ZBTB20: variants seen among roughly 807,000 people sequenced by gnomAD.
ZBTB20 encodes the protein zinc finger and BTB domain containing 20.
ZBTB20 carries 9 observed loss-of-function variants against 56.9 expected under a neutral mutation model. The observed-to-expected ratio is 0.16, with a 90% confidence interval of 0.10 to 0.28. The LOEUF (loss-of-function observed/expected upper bound fraction) is 0.28, where lower values mean the gene tolerates loss of function less well. ZBTB20 is among the 10% of genes least tolerant of loss of function. The pLI is 1.00. For missense variants in ZBTB20, 655 were observed against 1,003.0 expected, an observed-to-expected ratio of 0.65 and a Z score of 4.69; for synonymous variants, 417 against 420.7, an observed-to-expected ratio of 0.99 and a Z score of 0.11.
intron 7 of ZBTB20, among the ~76,000 whole-genome samples, chr3:114,397,857 C>A (rs1180726519): frequency 1.3e-5 from 2 of 152,102 alleles, no homozygotes; most frequent in African/African-American, 4.8e-5. Context: ...TCAGAATATG[C>A]TTCGGGAAAA....
intron 6 of ZBTB20, among the ~76,000 whole-genome samples, chr3:114,623,119 A>G (rs2107777856): frequency 6.6e-6 from 1 of 152,332 alleles, no homozygotes; most frequent in Non-Finnish European, 1.5e-5. Context: ...GAGAAAACCC[A>G]GTAAGATGGA....
intron 2 of ZBTB20, among the ~76,000 whole-genome samples, chr3:115,064,349 T>C (rs1334654529): frequency 6.6e-6 from 1 of 151,886 alleles, no homozygotes; most frequent in Non-Finnish European, 1.5e-5. Flanking sequence ...TGGAGAACCA[T>C]GTGTCTAAAA....
chr3:114,928,921 C>G (rs2076255574), intron 3 of ZBTB20, among the ~76,000 whole-genome samples: 1 of 152,212 alleles, frequency 6.6e-6, no homozygotes, highest in African/African-American at 2.4e-5. Context: ...GCTGGAATTA[C>G]ATTCACTCAG....
intron 4 of ZBTB20, among the ~76,000 whole-genome samples, chr3:114,860,125 G>A (rs2075450173): frequency 6.6e-6 from 1 of 152,036 alleles, no homozygotes; most frequent in African/African-American, 2.4e-5. Context: ...TGGCCAACAG[G>A]GTGAAACCCC....
At chr3:114,695,352 A>AT (rs1354257345) in intron 5 of ZBTB20, among the ~76,000 whole-genome samples, 1 of 152,016 alleles carries the variant, frequency 6.6e-6, no homozygotes, top group Admixed American at 6.6e-5. Context: ...AGAAACAGCT[A>AT]ATGTGTTCCC....
intron 4 of ZBTB20, among the ~76,000 whole-genome samples, chr3:114,886,279 A>C (rs1364218702): frequency 1.3e-5 from 2 of 152,190 alleles, no homozygotes; most frequent in Non-Finnish European, 2.9e-5. Flanking sequence ...TTGCTCTTTT[A>C]ATCTAGACCT....
intron 7 of ZBTB20, among the ~76,000 whole-genome samples, chr3:114,431,158 G>A (rs1283038951): frequency 6.6e-6 from 1 of 152,116 alleles, no homozygotes; most frequent in East Asian, 1.9e-4. Context: ...GAAGAAGAAG[G>A]AGGAAGGATA....
rs554066706 is a variant in ZBTB20 at position 114,837,083 on chromosome 3, C to T, written c.-416-35909G>A. Among the ~76,000 whole-genome samples, 4 of 152,272 alleles carry T rather than the reference C, an allele frequency of 2.6e-5. No individual in the cohort carries two copies. The East Asian group carries it at 7.7e-4, about 29-fold the overall frequency. On this transcript the variant is annotated intron_variant, in intron 4 of 11. Transcript: ENST00000675478. ...AGCTATATTGCCTCTGCCCAGACTG[C>T]TCTGTTCCTACATCTCTGCATGACT...
intron 3 of ZBTB20, among the ~76,000 whole-genome samples, chr3:114,961,639 A>T (rs2077455320): frequency 6.6e-6 from 1 of 152,160 alleles, no homozygotes; most frequent in Admixed American, 6.5e-5. Context: ...TAGTAGTGCA[A>T]CTAATGACAA....
chr3:115,072,625 G>T (rs2082451639), intron 1 of ZBTB20, among the ~76,000 whole-genome samples: 1 of 152,168 alleles, frequency 6.6e-6, no homozygotes, highest in Non-Finnish European at 1.5e-5. Flanking sequence ...AGCACCTAAA[G>T]TTTTGAAAGA....
intron 6 of ZBTB20, among the ~76,000 whole-genome samples, chr3:114,597,769 A>G (rs951267892): frequency 6.6e-6 from 1 of 152,160 alleles, no homozygotes; most frequent in African/African-American, 2.4e-5. Context: ...TTTTGGATAC[A>G]TGGGACTTTA....
At chr3:114,397,822 T>C (rs1444357406) in intron 7 of ZBTB20, among the ~76,000 whole-genome samples, 1 of 152,122 alleles carries the variant, frequency 6.6e-6, no homozygotes, top group Admixed American at 6.6e-5. Flanking sequence ...CCCATCCCCC[T>C]TTTTAATGGA....
chr3:114,880,805 GAAAAATCAGAATC>G (rs2076369160), intron 4 of ZBTB20, among the ~76,000 whole-genome samples: 1 of 152,034 alleles, frequency 6.6e-6, no homozygotes, highest in African/African-American at 2.4e-5. Context: ...ATTGCTAGTT[GAAAAATCAGAATC>G]ATAACCTTGC....
At chr3:114,461,041 C>G (rs2092306105) in intron 7 of ZBTB20, among the ~76,000 whole-genome samples, 1 of 152,136 alleles carries the variant, frequency 6.6e-6, no homozygotes. Context: ...ATTTGCCCAC[C>G]TCCTGTCTTA....
intron 6 of ZBTB20, among the ~76,000 whole-genome samples, chr3:114,627,978 C>T (rs780977094): frequency 2.0e-5 from 3 of 152,138 alleles, no homozygotes; most frequent in Non-Finnish European, 4.4e-5. Context: ...TGTCAGTAAA[C>T]AACTATGTGT....
At chr3:114,969,428 T>C (rs2077781007) in intron 3 of ZBTB20, among the ~76,000 whole-genome samples, 2 of 152,082 alleles carry the variant, frequency 1.3e-5, no homozygotes, top group Admixed American at 1.3e-4. Flanking sequence ...TACACAATTA[T>C]ACAATAAAAT....
At chr3:114,735,992 G>A (rs969104448) in intron 5 of ZBTB20, among the ~76,000 whole-genome samples, 1 of 152,062 alleles carries the variant, frequency 6.6e-6, no homozygotes, top group Non-Finnish European at 1.5e-5. Flanking sequence ...ATTGAATGAG[G>A]CCTTTCATGA....
chr3:114,840,844 G>T (rs992172591), intron 4 of ZBTB20, among the ~76,000 whole-genome samples: 3 of 152,068 alleles, frequency 2.0e-5, no homozygotes, highest in African/African-American at 7.2e-5. Context: ...CTAAATTGAG[G>T]CTCTAGTGAG....
chr3:114,677,541 AAC>A (rs1418423380), intron 6 of ZBTB20, among the ~76,000 whole-genome samples: 1 of 152,142 alleles, frequency 6.6e-6, no homozygotes, highest in Non-Finnish European at 1.5e-5. Context: ...TCTGAGGTGG[AAC>A]AGTTTCATCC....
Sources: gnomAD v4.1 joint callset for allele counts (sites outside exome capture counted in the v4.1 genomes callset) on GRCh38, gnomAD v4.1.1 for gene constraint, MANE v1.5 for transcripts, NCBI Gene and HGNC (gene_info 2026-07-23, HGNC 2026-07-21) for gene names.